The following SCRG1 variants were observed in gnomAD, a reference collection of about 807,000 sequenced individuals.
The protein encoded by SCRG1 is scrapie-responsive protein 1.
In SCRG1, 3 loss-of-function variants were observed where a neutral mutation model predicts 7.7. The ratio of observed to expected loss-of-function variants is 0.39; its 90% confidence interval spans 0.18 to 1.01. SCRG1 has a LOEUF of 1.01. Ranked by LOEUF, SCRG1 falls within the 50% of genes least tolerant of loss-of-function variation. The pLI, the probability that SCRG1 is intolerant of heterozygous loss-of-function variation, is 0.36. For missense variants in SCRG1, 110 were observed against 117.2 expected (o/e 0.94, Z 0.28); for synonymous variants, 46 against 41.2 (o/e 1.12, Z -0.44).
chr4:173,480,030 C>A, the SCRG1 span, among the ~76,000 whole-genome samples: 2 of 152,020 alleles, frequency 1.3e-5, no homozygotes, highest in Non-Finnish European at 2.9e-5. Context: ...AGGGCAGTGG[C>A]ATGATCACAG....
the SCRG1 span, among the ~76,000 whole-genome samples, chr4:173,483,221 T>TATATTATATATAATATGTGATATATC: frequency 1.6e-5 from 1 of 61,050 alleles, no homozygotes; most frequent in African/African-American, 5.6e-5. Flanking sequence ...TCATATAATA[T>TATATTATATATAATATGTGATATATC]ATATATTATA....
upstream of SCRG1, chr4:173,399,261 G>A (rs1384087199): frequency 6.6e-6 from 1 of 152,250 alleles, no homozygotes; most frequent in Non-Finnish European, 1.5e-5. Flanking sequence ...GAGGAGGGGA[G>A]TGGAAGGAGA....
chr4:173,474,746 C>T, the SCRG1 span, among the ~76,000 whole-genome samples: 11 of 152,228 alleles, frequency 7.2e-5, no homozygotes, highest in African/African-American at 2.7e-4. Flanking sequence ...TTTATCATTA[C>T]ATTCATTTCC....
chr4:173,467,764 G>A, the SCRG1 span: 1 of 152,072 alleles, frequency 6.6e-6, no homozygotes, highest in Non-Finnish European at 1.5e-5. Context: ...CAATTATGTT[G>A]TCACATAGAG....
the SCRG1 span, among the ~76,000 whole-genome samples, chr4:173,492,939 G>A: frequency 6.6e-6 from 1 of 152,192 alleles, no homozygotes; most frequent in African/African-American, 2.4e-5. Context: ...CTATGGACAA[G>A]AACAAACACA....
chr4:173,489,502 C>T, the SCRG1 span, among the ~76,000 whole-genome samples: 49 of 136,474 alleles, frequency 3.6e-4, no homozygotes, highest in African/African-American at 1.4e-3. Context: ...ACATATGCTG[C>T]GTTTCTAATT....
At chr4:173,498,376 G>A in the SCRG1 span, among the ~76,000 whole-genome samples, 1 of 152,176 alleles carries the variant, frequency 6.6e-6, no homozygotes, top group Non-Finnish European at 1.5e-5. Context: ...CAGATGTTGG[G>A]GATAGGGAGG....
chr4:173,391,401 A>G lies in SCRG1; in HGVS notation c.14T>C (p.Val5Ala), dbSNP rs1739441541. The G allele has an allele frequency of 6.2e-7, 1 of 1,614,200 alleles. No individual in the cohort carries two copies. Among genetic ancestry groups the G allele is most frequent in the East Asian group, 2.2e-5 (1 of 44,872 alleles). MKLM[V>A]LVFTIGLTLL... The stretch of plus-strand genomic sequence containing the variant: ...AGTTAGCCCAATGGTGAAAACAAGT[A>G]CCATCAGTTTCATTTTGGCTTTTGG... The change falls in exon 2 of 3, where the codon GTA becomes GCA. Residue 5 changes from valine (V) to alanine (A), a missense_variant. By Grantham distance (64) the Val-to-Ala change is moderately conservative. Transcript: ENST00000296506.
the SCRG1 span, among the ~76,000 whole-genome samples, chr4:173,446,891 A>G: frequency 2.0e-4 from 31 of 152,326 alleles, no homozygotes; most frequent in Admixed American, 6.5e-4. Context: ...CTGACGGACT[A>G]TGGTTAATTT....
rs910760962 is a variant in SCRG1, at chr4:173,385,731, T to C, written c.*2610A>G. On this transcript the variant is annotated 3_prime_UTR_variant, in exon 3 of 3. Transcript: ENST00000296506. ...TACAATTTTTCTTACCAGGCTTTGA[T>C]TGCAGTAGTAAGGGAACGTTTACTA... is the stretch of plus-strand genomic sequence containing the variant. 5.3e-5 allele frequency: 8 copies of C among 152,204 alleles called. No individual in the cohort carries two copies. The highest frequency in any genetic ancestry group is 1.2e-4 in the Non-Finnish European group (8 of 68,038). The allele number at this position is 152,204 out of a possible 1,614,324, so 9.4% of individuals were successfully genotyped here. A position where few individuals can be genotyped will look rare whatever the true frequency, so the allele number is the denominator to read the frequency against.
At chr4:173,434,176 C>A in the SCRG1 span, among the ~76,000 whole-genome samples, 1 of 152,170 alleles carries the variant, frequency 6.6e-6, no homozygotes, top group South Asian at 2.1e-4. Context: ...GCCTTGAATT[C>A]TTTCCTTGAA....
At chr4:173,389,971 CA>C (rs1739377078) in intron 2 of SCRG1, 1 of 262,850 alleles carries the variant, frequency 3.8e-6, no homozygotes, top group African/African-American at 2.2e-5. Flanking sequence ...CCTCAATAAC[CA>C]GGGGGAAATG....
the SCRG1 span, among the ~76,000 whole-genome samples, chr4:173,467,598 A>C: frequency 6.6e-6 from 1 of 152,144 alleles, no homozygotes; most frequent in African/African-American, 2.4e-5. Flanking sequence ...TTGGACATTC[A>C]CCTATAATTC....
chr4:173,509,701 G>A, the SCRG1 span, among the ~76,000 whole-genome samples: 3 of 152,164 alleles, frequency 2.0e-5, no homozygotes, highest in Admixed American at 6.5e-5. This position sits in a 1 kb window ranked among gnomAD's most constrained non-coding sequence, Gnocchi z 5.7. Context: ...GGTGTCGGGC[G>A]GTGTCCGCGC....
upstream of SCRG1, among the ~76,000 whole-genome samples, chr4:173,403,517 T>C (rs1739817573): frequency 1.3e-5 from 2 of 152,118 alleles, no homozygotes; most frequent in African/African-American, 2.4e-5. Context: ...AATTGATACA[T>C]AGAGACTGTA....
the SCRG1 span, among the ~76,000 whole-genome samples, chr4:173,451,759 T>C: frequency 6.6e-6 from 1 of 151,808 alleles, no homozygotes; most frequent in African/African-American, 2.4e-5. Context: ...ATCTCTGCCT[T>C]CCATGTTCAA....
the SCRG1 span, among the ~76,000 whole-genome samples, chr4:173,484,683 T>TATATTATATATGCATATAATAC: frequency 2.0e-5 from 1 of 50,066 alleles, no homozygotes; most frequent in Non-Finnish European, 3.8e-5. Context: ...ATGTATAATA[T>TATATTATATATGCATATAATAC]ATATTATATA....
At chr4:173,506,856 C>T in the SCRG1 span, among the ~76,000 whole-genome samples, 1 of 152,164 alleles carries the variant, frequency 6.6e-6, no homozygotes, top group African/African-American at 2.4e-5. The surrounding 1 kb of genome is among the most constrained non-coding windows in gnomAD (Gnocchi z 5.3). Context: ...CGACCTCCAT[C>T]GGTCTGGGAG....
the SCRG1 span, among the ~76,000 whole-genome samples, chr4:173,438,167 G>C: frequency 2.0e-5 from 3 of 152,160 alleles, no homozygotes; most frequent in Non-Finnish European, 4.4e-5. Context: ...ACAGGCTGGA[G>C]TGCAGTGGCA....
Sources: allele counts gnomAD v4.1 joint callset (sites outside exome capture counted in the v4.1 genomes callset), GRCh38; gene constraint gnomAD v4.1.1; non-coding constraint Gnocchi (gnomAD v3.1); transcripts MANE v1.5; gene names NCBI Gene and HGNC (gene_info 2026-07-23, HGNC 2026-07-21).